Variants in KAZN observed in about 807,000 individuals in gnomAD.
KAZN encodes kazrin.
In KAZN, 40 loss-of-function variants were observed where a neutral mutation model predicts 87.4. The observed-to-expected ratio is 0.46, with a 90% confidence interval of 0.36 to 0.60. KAZN has a LOEUF of 0.60. KAZN is among the 20% of genes least tolerant of loss of function. The pLI is 0.00. For synonymous variants in KAZN, 466 were observed against 458.3 expected (o/e 1.02, Z -0.22); for missense variants, 898 against 1,073.9 (o/e 0.84, Z 2.29).
intron 2 of KAZN, among the ~76,000 whole-genome samples, chr1:14,438,953 G>A (rs1231155361): frequency 6.6e-6 from 1 of 152,074 alleles, no homozygotes; most frequent in Non-Finnish European, 1.5e-5. Context: ...CACTCCCTTA[G>A]CAAATTCACC....
intron 2 of KAZN, among the ~76,000 whole-genome samples, chr1:14,592,868 G>T (rs2148583456): frequency 6.6e-6 from 1 of 152,304 alleles, no homozygotes; most frequent in East Asian, 1.9e-4. Context: ...TTATCACTCA[G>T]CCTTACCAGG....
intron 1 of KAZN, among the ~76,000 whole-genome samples, chr1:13,904,829 T>G (rs1639376874): frequency 6.6e-6 from 1 of 152,228 alleles, no homozygotes; most frequent in African/African-American, 2.4e-5. Flanking sequence ...CATGTTCAGT[T>G]ACTTATTTCT....
In KAZN at chr1:14,518,459, G is replaced by C. The variant is rs192877589; in HGVS notation, c.250-80524G>C. On this transcript the variant is annotated intron_variant, in intron 2 of 16. Transcript: ENST00000636203. ...CCCAAAGTGTTGGGATTATAGACAT[G>C]AGCCACTGCACCCAGCCTGTTTGAA... Among the ~76,000 whole-genome samples the C allele has an allele frequency of 4.2e-3, 644 of 152,260 alleles. 6 individuals are homozygous for C. Among genetic ancestry groups the C allele is most frequent in the African/African-American group, 0.015 (622 of 41,544 alleles).
intron 1 of KAZN, among the ~76,000 whole-genome samples, chr1:14,850,203 G>A (rs1437646864): frequency 6.6e-6 from 1 of 152,054 alleles, no homozygotes. Context: ...CAAAGTGCTG[G>A]GATTATAGGC....
intron 1 of KAZN, among the ~76,000 whole-genome samples, chr1:13,899,672 C>T (rs1198397044): frequency 7.2e-6 from 1 of 138,904 alleles, no homozygotes; most frequent in South Asian, 2.3e-4. Flanking sequence ...GAGGTGGAGT[C>T]TCGCACTGTC....
intron 2 of KAZN, among the ~76,000 whole-genome samples, chr1:14,369,946 C>G (rs1660333142): frequency 6.6e-6 from 1 of 152,202 alleles, no homozygotes; most frequent in Non-Finnish European, 1.5e-5. Context: ...CTAACACTGC[C>G]TGCTGGGATT....
At chr1:14,536,534 C>T (rs1672514898) in intron 2 of KAZN, among the ~76,000 whole-genome samples, 1 of 152,156 alleles carries the variant, frequency 6.6e-6, no homozygotes, top group Non-Finnish European at 1.5e-5. Context: ...AAGCTCAGGG[C>T]TGAGACAGCT....
At chr1:14,265,662 T>C (rs2100664434) in intron 2 of KAZN, among the ~76,000 whole-genome samples, 1 of 152,254 alleles carries the variant, frequency 6.6e-6, no homozygotes, top group African/African-American at 2.4e-5. Flanking sequence ...AGTGTGGAAA[T>C]TTTATTTCAC....
At chr1:14,322,276 A>AAGT (rs1656099704) in intron 2 of KAZN, among the ~76,000 whole-genome samples, 1 of 151,280 alleles carries the variant, frequency 6.6e-6, no homozygotes, top group African/African-American at 2.5e-5. Flanking sequence ...ATAAATAAAT[A>AAGT]AAGTAAGTAA....
chr1:14,112,141 C>T (rs545273347), intron 1 of KAZN, among the ~76,000 whole-genome samples: 1 of 135,204 alleles, frequency 7.4e-6, no homozygotes, highest in Non-Finnish European at 1.6e-5. Flanking sequence ...TGACTTCTGA[C>T]CCAAGGCTGG....
intron 1 of KAZN, among the ~76,000 whole-genome samples, chr1:14,918,162 C>G (rs1042101206): frequency 1.3e-5 from 2 of 152,174 alleles, no homozygotes; most frequent in African/African-American, 2.4e-5. Flanking sequence ...AAGGCATGAG[C>G]CACTGCGTCT....
At chr1:14,278,189 AAC>A (rs1652546908) in intron 2 of KAZN, among the ~76,000 whole-genome samples, 1 of 151,716 alleles carries the variant, frequency 6.6e-6, no homozygotes, top group Admixed American at 6.6e-5. Flanking sequence ...AAAAAAAAAA[AAC>A]AGAGATGCCA....
chr1:14,355,127 AT>A (rs1394544014), intron 2 of KAZN, among the ~76,000 whole-genome samples: 6 of 152,218 alleles, frequency 3.9e-5, no homozygotes, highest in Non-Finnish European at 5.9e-5. Flanking sequence ...CCTATATGAA[AT>A]TCCAGAACCA....
In KAZN at chr1:14,598,726, G is replaced by A; in HGVS notation, c.-272G>A. The A allele has an allele frequency of 2.3e-6, 3 of 1,320,704 alleles. No homozygotes were observed. Among genetic ancestry groups the A allele is most frequent in the Non-Finnish European group, 2.9e-6 (3 of 1,043,890 alleles). 81.8% of individuals were successfully genotyped at this position (1,320,704 alleles called of 1,614,324 possible). The stretch of plus-strand genomic sequence containing the variant: ...TCGGCGCCCGCCCGCCGGGGTCTCG[G>A]CGATCGCTGCTCCTCCTCCTCCTTC... On this transcript the variant is annotated 5_prime_UTR_variant, in exon 1 of 15. Coordinates refer to ENST00000376030, the MANE Select transcript of KAZN (RefSeq NM_201628.3). The surrounding 1 kb of genome is among the most constrained non-coding windows in gnomAD (Gnocchi z 4.2).
chr1:14,353,619 T>C (rs1217463389), intron 2 of KAZN, among the ~76,000 whole-genome samples: 2 of 152,138 alleles, frequency 1.3e-5, no homozygotes, highest in African/African-American at 4.8e-5. Flanking sequence ...AGTTAACATA[T>C]GAAACATAAT....
chr1:14,571,858 G>A (rs1053734368), intron 2 of KAZN, among the ~76,000 whole-genome samples: 2 of 152,196 alleles, frequency 1.3e-5, no homozygotes, highest in African/African-American at 4.8e-5. Flanking sequence ...GGCTTGCATT[G>A]AGTTAGCACC....
intron 2 of KAZN, among the ~76,000 whole-genome samples, chr1:14,579,804 C>A (rs1047600804): frequency 2.6e-5 from 4 of 152,136 alleles, no homozygotes; most frequent in African/African-American, 9.7e-5. Context: ...ACATGGCAGC[C>A]AGGCAGAATG....
At chr1:14,905,337 C>T (rs1450933069) in intron 1 of KAZN, among the ~76,000 whole-genome samples, 3 of 152,174 alleles carry the variant, frequency 2.0e-5, no homozygotes, top group Non-Finnish European at 4.4e-5. Context: ...GCTGGAATAA[C>T]AGGCGTGATC....
At chr1:14,660,216 C>T (rs1390908181) in intron 1 of KAZN, among the ~76,000 whole-genome samples, 1 of 152,160 alleles carries the variant, frequency 6.6e-6, no homozygotes, top group Non-Finnish European at 1.5e-5. Context: ...CTCGATCTCC[C>T]CATAACCGGG....
Sources: allele counts gnomAD v4.1 joint callset (sites outside exome capture counted in the v4.1 genomes callset), GRCh38; gene constraint gnomAD v4.1.1; non-coding constraint Gnocchi (gnomAD v3.1); transcripts MANE v1.5; gene names NCBI Gene and HGNC (gene_info 2026-07-23, HGNC 2026-07-21).